CIT: variants seen among roughly 807,000 people sequenced by gnomAD.
CIT encodes citron Rho-interacting kinase.
CIT carries 79 observed loss-of-function variants against 272.7 expected under a neutral mutation model. That is an observed-to-expected ratio of 0.29 (90% CI 0.24 to 0.35). The LOEUF (loss-of-function observed/expected upper bound fraction) is 0.35, where lower values mean the gene tolerates loss of function less well. Among genes scored for constraint, CIT ranks in the 10% least tolerant of loss-of-function variants. The pLI is 1.00. For synonymous variants in CIT, 948 were observed against 995.6 expected (o/e 0.95, Z 0.90); for missense variants, 1,909 against 2,618.3 (o/e 0.73, Z 5.91).
At chr12:119,775,537 A>G (rs1483734689) in intron 16 of CIT, among the ~76,000 whole-genome samples, 1 of 152,228 alleles carries the variant, frequency 6.6e-6, no homozygotes, top group Non-Finnish European at 1.5e-5. Flanking sequence ...GTCGTAGTAT[A>G]ATTAGAACTT....
intron 32 of CIT, among the ~76,000 whole-genome samples, chr12:119,717,834 C>CTTTTTTTTTTTT (rs546520444): frequency 2.8e-4 from 20 of 70,232 alleles, no homozygotes; most frequent in African/African-American, 8.5e-4. Context: ...AGACTGACTT[C>CTTTTTTTTTTTT]TTTCTTTTTT....
rs898791045 is a variant in CIT at position 119,784,790 on chromosome 12, A to T, written c.1401+170T>A. 8 of 1,432,794 alleles carry T rather than the reference A, an allele frequency of 5.6e-6. No homozygotes were observed. The African/African-American group carries it at 1.0e-4, about 18-fold the overall frequency. The allele number at this position is 1,432,794 out of a possible 1,614,324, so 88.8% of individuals were successfully genotyped here. A position where few individuals can be genotyped will look rare whatever the true frequency, so the allele number is the denominator to read the frequency against. On this transcript the variant is annotated intron_variant, in intron 11 of 47. Coordinates refer to ENST00000392521, the MANE Select transcript of CIT (RefSeq NM_001206999.2). This position sits in a 1 kb window ranked among gnomAD's most constrained non-coding sequence, Gnocchi z 4.7. ...GATTTACAGCAACAGCAAGGCCCGA[A>T]TTCATCTCCCTCTGAGCTGCTGGAG... is the stretch of plus-strand genomic sequence containing the variant.
intron 3 of CIT, among the ~76,000 whole-genome samples, chr12:119,858,896 G>A (rs940829888): frequency 2.0e-5 from 3 of 151,838 alleles, no homozygotes; most frequent in Non-Finnish European, 2.9e-5. Context: ...CATCTGCTCT[G>A]CAGGGCTGAC....
chr12:119,866,216 T>C (rs549530434), intron 3 of CIT, among the ~76,000 whole-genome samples: 6 of 152,256 alleles, frequency 3.9e-5, no homozygotes, highest in Admixed American at 1.3e-4. Flanking sequence ...TCTCCAAAAA[T>C]AGCACCCAAT....
chr12:119,849,689 CT>C (rs869266632), intron 5 of CIT, among the ~76,000 whole-genome samples: 220 of 81,116 alleles, frequency 2.7e-3, no homozygotes, highest in African/African-American at 3.1e-3. Context: ...CTTTTTTTTT[CT>C]TTTTTTTTTT....
At chr12:119,705,292 C>T (rs1040687455) in intron 40 of CIT, among the ~76,000 whole-genome samples, 1 of 152,176 alleles carries the variant, frequency 6.6e-6, no homozygotes, top group Non-Finnish European at 1.5e-5. Context: ...TACATCAAAA[C>T]GCTCTTTTTC....
rs1555264954 is a variant in CIT, at chr12:119,853,438, GTTTGT to G, written c.415-3168_415-3164del. 4.6e-3 allele frequency among the ~76,000 whole-genome samples: 694 copies of G among 151,394 alleles called. 7 individuals are homozygous for G. The highest frequency in any genetic ancestry group is 5.4e-3 in the Non-Finnish European group (365 of 67,838). ...AGGGGATTTGTTTATTTGTTTGTTT[GTTTGT>G]TTTGTTTTGTTTTGTTTTAGAGACA... On this transcript the variant is annotated intron_variant, in intron 4 of 47. Transcript: ENST00000392521.
intron 40 of CIT, among the ~76,000 whole-genome samples, chr12:119,705,104 G>T (rs1724898740): frequency 6.6e-6 from 1 of 152,068 alleles, no homozygotes; most frequent in Non-Finnish European, 1.5e-5. Context: ...GTACAGATGG[G>T]GTTTTGCCAT....
chr12:119,865,411 G>A (rs1950486192), intron 3 of CIT, among the ~76,000 whole-genome samples: 1 of 152,168 alleles, frequency 6.6e-6, no homozygotes, highest in African/African-American at 2.4e-5. Flanking sequence ...ACAGAATGAT[G>A]AACAAATACC....
intron 5 of CIT, among the ~76,000 whole-genome samples, chr12:119,835,140 C>T (rs757947354): frequency 1.3e-5 from 2 of 152,262 alleles, no homozygotes; most frequent in African/African-American, 4.8e-5. Flanking sequence ...CCCCAAGGAA[C>T]TGAAATCCTT....
At chr12:119,701,163 G>A (rs1208868114) in intron 43 of CIT, among the ~76,000 whole-genome samples, 3 of 127,654 alleles carry the variant, frequency 2.4e-5, no homozygotes, top group Admixed American at 8.6e-5. Flanking sequence ...AGGGAAAGAC[G>A]GAAAGACTCA....
At position 119,804,769 on chromosome 12, in the gene CIT, T is replaced by TAC. The variant is rs1966496769; in HGVS notation, c.1112-1381_1112-1380insGT. ...AGGGGAGAGGAGATGAAGCCAGAGG[T>TAC]CTGGCTGTTCCTGAGAAGTACAAAA... On this transcript the variant is annotated intron_variant, in intron 9 of 47. Transcript: ENST00000392521. This position sits in a 1 kb window ranked among gnomAD's most constrained non-coding sequence, Gnocchi z 5.3. Among the ~76,000 whole-genome samples the TAC allele has an allele frequency of 6.6e-6, 1 of 152,130 alleles. No individual in the cohort carries two copies. Among genetic ancestry groups the TAC allele is most frequent in the South Asian group, 2.1e-4 (1 of 4,822 alleles).
chr12:119,701,619 C>T lies in CIT; in HGVS notation c.5542+5G>A. On this transcript the variant is annotated splice_donor_5th_base_variant and intron_variant, in intron 43 of 47. Transcript: ENST00000392521. Reference sequence around the variant, plus strand: ...AAAAGGGCAGTGGGCGCAGCCACGACTCACCGTGGAAACACAGCAAGTACT... The same window carrying T: ...AAAAGGGCAGTGGGCGCAGCCACGATTCACCGTGGAAACACAGCAAGTACT... 1 of 1,613,176 alleles carries T rather than the reference C, an allele frequency of 6.2e-7. No homozygotes were observed. The highest frequency in any genetic ancestry group is 8.5e-7 in the Non-Finnish European group (1 of 1,179,528).
intron 22 of CIT, among the ~76,000 whole-genome samples, chr12:119,755,430 A>C (rs1960821103): frequency 6.6e-6 from 1 of 152,214 alleles, no homozygotes; most frequent in Non-Finnish European, 1.5e-5. Flanking sequence ...CAAGGCTTAG[A>C]CCTCAGACCG....
chr12:119,774,486 C>T (rs944989794), intron 16 of CIT, among the ~76,000 whole-genome samples: 2 of 151,898 alleles, frequency 1.3e-5, no homozygotes, highest in Non-Finnish European at 2.9e-5. Flanking sequence ...ATGTTCTCAC[C>T]ACAAAAAATA....
chr12:119,825,618 G>A (rs913600520), intron 7 of CIT, among the ~76,000 whole-genome samples: 8 of 151,928 alleles, frequency 5.3e-5, no homozygotes, highest in African/African-American at 1.2e-4. Context: ...TATACACACA[G>A]CCTTCAGTTA....
rs1964628547 is a variant in CIT, at chr12:119,784,862, G to T, written c.1401+98C>A. 12 of 1,518,222 alleles carry T rather than the reference G, an allele frequency of 7.9e-6. No homozygotes were observed. Among genetic ancestry groups the T allele is most frequent in the East Asian group, 2.4e-5 (1 of 41,724 alleles). The allele number at this position is 1,518,222 out of a possible 1,614,324, so 94.0% of individuals were successfully genotyped here. ...GAGCGCCTCACTCTCTACGGATCAG[G>T]CGGCTCAGAGCCAGCAGCGGCCCCG... On this transcript the variant is annotated intron_variant, in intron 11 of 47. Coordinates refer to ENST00000392521, the MANE Select transcript of CIT (RefSeq NM_001206999.2). This position sits in a 1 kb window ranked among gnomAD's most constrained non-coding sequence, Gnocchi z 4.7.
At chr12:119,825,403 T>G in intron 7 of CIT, 35 bp from the exon 8 acceptor site, 1 of 1,590,980 alleles carries the variant, frequency 6.3e-7, no homozygotes, top group Non-Finnish European at 8.6e-7. Flanking sequence ...TACAGCAAAC[T>G]TTCAATTATC....
chr12:119,758,313 G>C (rs376369539), intron 21 of CIT, among the ~76,000 whole-genome samples: 1 of 152,190 alleles, frequency 6.6e-6, no homozygotes, highest in South Asian at 2.1e-4. Flanking sequence ...AACAAGAACT[G>C]CAGCTTTCCA....
Sources: allele counts gnomAD v4.1 joint callset (sites outside exome capture counted in the v4.1 genomes callset), GRCh38; gene constraint gnomAD v4.1.1; non-coding constraint Gnocchi (gnomAD v3.1); transcripts MANE v1.5; gene names NCBI Gene and HGNC (gene_info 2026-07-23, HGNC 2026-07-21).